Variants in PPP1R36 observed in about 807,000 individuals in gnomAD.
PPP1R36 encodes protein phosphatase 1 regulatory subunit 36, also known as chromosome 14 open reading frame 50.
Under a neutral mutation model 53.4 loss-of-function variants are expected in PPP1R36, and 47 were observed. The ratio of observed to expected loss-of-function variants is 0.88; its 90% confidence interval spans 0.70 to 1.12. The LOEUF is 1.12. Ranked by LOEUF, PPP1R36 falls within the 50% of genes most tolerant of loss-of-function variation. The pLI, the probability that PPP1R36 is intolerant of heterozygous loss-of-function variation, is 0.00. For synonymous variants in PPP1R36, 153 were observed against 170.5 expected (o/e 0.90, Z 0.80); for missense variants, 456 against 513.9 (o/e 0.89, Z 1.09).
intron 10 of PPP1R36, 60 bp from the exon 11 acceptor site, chr14:64,588,044 T>G: frequency 6.7e-7 from 1 of 1,495,848 alleles, no homozygotes; most frequent in Non-Finnish European, 9.0e-7. Flanking sequence ...GCACCTGGCC[T>G]CAAGAACATT....
chr14:64,574,698 T>G, intron 8 of PPP1R36, 109 bp downstream of exon 8: 1 of 1,234,368 alleles, frequency 8.1e-7, no homozygotes, highest in Non-Finnish European at 1.1e-6. Flanking sequence ...CTTTTTCTGT[T>G]GTCCAGAGTA....
At chr14:64,580,644 T>C (rs377721327) in intron 8 of PPP1R36, among the ~76,000 whole-genome samples, 1 of 152,316 alleles carries the variant, frequency 6.6e-6, no homozygotes. Flanking sequence ...TATAGAAGAA[T>C]GAGCGCAGAT....
At chr14:64,556,052 G>A (rs2080148003) in intron 3 of PPP1R36, among the ~76,000 whole-genome samples, 1 of 150,702 alleles carries the variant, frequency 6.6e-6, no homozygotes, top group Admixed American at 6.6e-5. Context: ...TTTATTTTGT[G>A]TTTTCAACAT....
chr14:64,554,142 G>GC (rs2080123288), intron 3 of PPP1R36, among the ~76,000 whole-genome samples: 1 of 65,260 alleles, frequency 1.5e-5, no homozygotes, highest in Non-Finnish European at 3.1e-5. Flanking sequence ...CATCACAATT[G>GC]TTTTTTTTTT....
chr14:64,559,202 G>A (rs1378675829), intron 3 of PPP1R36, among the ~76,000 whole-genome samples: 3 of 152,166 alleles, frequency 2.0e-5, no homozygotes, highest in African/African-American at 7.2e-5. Flanking sequence ...AATGCAGACA[G>A]CTTGGGCATT....
chr14:64,578,880 G>A (rs1206852580), intron 8 of PPP1R36, among the ~76,000 whole-genome samples: 2 of 152,156 alleles, frequency 1.3e-5, no homozygotes, highest in Non-Finnish European at 2.9e-5. Flanking sequence ...GTGACACACT[G>A]GATAAAGAAA....
At chr14:64,561,649 T>C in intron 3 of PPP1R36, 1 of 377,250 alleles carries the variant, frequency 2.7e-6, no homozygotes, top group Non-Finnish European at 5.3e-6. Context: ...GGTGCTGGTA[T>C]AGTTCATCAG....
chr14:64,574,453 A>G lies in PPP1R36; in HGVS notation c.534-2A>G, dbSNP rs751695299. The G allele has an allele frequency of 2.5e-6, 4 of 1,602,422 alleles. No individual in the cohort carries two copies. The South Asian group carries it at 3.4e-5, about 13-fold the overall frequency. The stretch of plus-strand genomic sequence containing the variant: ...TTCTCTTTTTTTTGTCCTCCCCATC[A>G]GAGGCCTTGTAGAGAAAAAAGAAAT... On this transcript the variant is annotated splice_acceptor_variant, in intron 7 of 11. Coordinates refer to ENST00000298705, the MANE Select transcript of PPP1R36 (RefSeq NM_172365.3). LOFTEE classifies it high-confidence loss of function.
intron 3 of PPP1R36, among the ~76,000 whole-genome samples, chr14:64,563,118 G>A (rs994185152): frequency 6.6e-6 from 1 of 152,030 alleles, no homozygotes; most frequent in African/African-American, 2.4e-5. Flanking sequence ...TGCCTACCTC[G>A]GCCTCCCAAA....
intron 3 of PPP1R36, among the ~76,000 whole-genome samples, 193 bp downstream of exon 3, chr14:64,553,054 C>T (rs1276953725): frequency 6.6e-6 from 1 of 152,120 alleles, no homozygotes; most frequent in African/African-American, 2.4e-5. Context: ...TCACTACAGC[C>T]TTGACTTCCC....
intron 3 of PPP1R36, among the ~76,000 whole-genome samples, chr14:64,554,767 T>G (rs1226892649): frequency 1.3e-5 from 2 of 151,932 alleles, no homozygotes; most frequent in Non-Finnish European, 2.9e-5. Context: ...AAGAGGCAGG[T>G]GACTAGGACC....
At chr14:64,579,097 A>G (rs1274672715) in intron 8 of PPP1R36, among the ~76,000 whole-genome samples, 2 of 152,208 alleles carry the variant, frequency 1.3e-5, no homozygotes, top group Middle Eastern at 3.2e-3. Context: ...AGCAACAGAC[A>G]CTGGGGTCCA....
chr14:64,583,298 T>C (rs1050234569), intron 8 of PPP1R36, among the ~76,000 whole-genome samples: 2 of 151,944 alleles, frequency 1.3e-5, no homozygotes, highest in Non-Finnish European at 2.9e-5. Context: ...AATTATAAAA[T>C]ACCAAAATAG....
At chr14:64,568,505 C>A (rs2080278695) in intron 7 of PPP1R36, 58 bp downstream of exon 7, 2 of 760,766 alleles carry the variant, frequency 2.6e-6, no homozygotes, top group African/African-American at 1.8e-5. Flanking sequence ...TTAAAAGTAA[C>A]TTTTGTCTAG....
chr14:64,558,839 T>C (rs1477036811), intron 3 of PPP1R36, among the ~76,000 whole-genome samples: 1 of 151,928 alleles, frequency 6.6e-6, no homozygotes, highest in Non-Finnish European at 1.5e-5. Flanking sequence ...TTTCACAATG[T>C]TGGCTAGGTT....
intron 3 of PPP1R36, among the ~76,000 whole-genome samples, chr14:64,563,438 T>C (rs1278634427): frequency 1.4e-5 from 2 of 143,702 alleles, no homozygotes; most frequent in African/African-American, 5.2e-5. Flanking sequence ...ACTGGCCAAC[T>C]TGGTGCCAGT....
chr14:64,566,749 G>A (rs572425376), intron 6 of PPP1R36, among the ~76,000 whole-genome samples: 1 of 152,304 alleles, frequency 6.6e-6, no homozygotes, highest in Non-Finnish European at 1.5e-5. Flanking sequence ...TGTGGCAACT[G>A]CCTGAGACTC....
At chr14:64,555,950 A>G (rs1320421433) in intron 3 of PPP1R36, among the ~76,000 whole-genome samples, 3 of 152,196 alleles carry the variant, frequency 2.0e-5, no homozygotes, top group Non-Finnish European at 4.4e-5. Flanking sequence ...AAAAACAAGT[A>G]TATAAATGTA....
At chr14:64,563,668 A>G (rs1227037087) in intron 3 of PPP1R36, among the ~76,000 whole-genome samples, 1 of 152,192 alleles carries the variant, frequency 6.6e-6, no homozygotes, top group Non-Finnish European at 1.5e-5. Flanking sequence ...TTTACCAAGG[A>G]AATAATAAAG....
Sources: gnomAD v4.1 joint callset for allele counts (sites outside exome capture counted in the v4.1 genomes callset) on GRCh38, gnomAD v4.1.1 for gene constraint, MANE v1.5 for transcripts, NCBI Gene and HGNC (gene_info 2026-07-23, HGNC 2026-07-21) for gene names.